Variants in ACP3 observed in about 807,000 individuals in gnomAD.
ACP3 encodes the protein prostatic acid phosphatase.
A neutral mutation model predicts 45.6 loss-of-function variants in ACP3; 38 were observed. That is an observed-to-expected ratio of 0.83 (90% CI 0.64 to 1.09). ACP3 has a LOEUF of 1.09. Ranked by LOEUF, ACP3 falls within the 50% of genes least tolerant of loss-of-function variation. The pLI is 0.00. For synonymous variants in ACP3, 162 were observed against 164.7 expected, an observed-to-expected ratio of 0.98 and a Z score of 0.13; for missense variants, 466 against 463.2, an observed-to-expected ratio of 1.01 and a Z score of -0.05.
intron 10 of ACP3, among the ~76,000 whole-genome samples, chr3:132,364,773 G>A (rs1938102430): frequency 6.6e-6 from 1 of 152,178 alleles, no homozygotes; most frequent in Non-Finnish European, 1.5e-5. Flanking sequence ...AAAGAAGGAA[G>A]GATAAAGAGC....
At chr3:132,345,088 TTGGATTTG>T in intron 7 of ACP3, 29 bp downstream of exon 7, 1 of 1,598,358 alleles carries the variant, frequency 6.3e-7, no homozygotes. Context: ...GAGGAGCATA[TTGGATTTG>T]TGGTTGAATG....
chr3:132,355,090 G>A (rs1019785251), intron 9 of ACP3, among the ~76,000 whole-genome samples: 6 of 152,200 alleles, frequency 3.9e-5, no homozygotes, highest in African/African-American at 9.7e-5. Context: ...GGCACCCAGG[G>A]TTCCCTCTTT....
At position 132,352,575 on chromosome 3, in the gene ACP3, A is replaced by G. The variant is rs146176137; in HGVS notation, c.865-145A>G. On this transcript the variant is annotated intron_variant, in intron 8 of 9. Transcript: ENST00000336375. ...CTAGCACACCGCTAATGCTCAACCA[A>G]AATCTTTCCTTCTCTACTTATTAAG... 483 of 621,510 alleles carry G rather than the reference A, an allele frequency of 7.8e-4. 4 individuals are homozygous for G. The African/African-American group carries it at 8.0e-3, about 10-fold the overall frequency. The allele number at this position is 621,510 out of a possible 1,614,324, so 38.5% of individuals were successfully genotyped here.
At chr3:132,362,016 T>C (rs1440572482), downstream of ACP3, among the ~76,000 whole-genome samples, 1 of 152,204 alleles carries the variant, frequency 6.6e-6, no homozygotes, top group Admixed American at 6.5e-5. Context: ...CTCTCTTCAA[T>C]CTCAATTTTC....
chr3:132,320,493 G>A (rs1937186629), intron 1 of ACP3, among the ~76,000 whole-genome samples: 1 of 152,038 alleles, frequency 6.6e-6, no homozygotes, highest in African/African-American at 2.4e-5. Context: ...CTAACCCAGA[G>A]AAAACCCACA....
intron 8 of ACP3, among the ~76,000 whole-genome samples, chr3:132,350,618 G>C (rs1298035570): frequency 6.6e-6 from 1 of 152,194 alleles, no homozygotes; most frequent in Non-Finnish European, 1.5e-5. Context: ...TACTGAATTG[G>C]AGAGCACAGA....
At chr3:132,346,076 C>T (rs1042434947) in intron 7 of ACP3, among the ~76,000 whole-genome samples, 1 of 152,172 alleles carries the variant, frequency 6.6e-6, no homozygotes, top group African/African-American at 2.4e-5. Flanking sequence ...CATTGACAGA[C>T]ACTATTCACC....
At chr3:132,317,629 T>G in intron 1 of ACP3, 53 bp downstream of exon 1, 3 of 1,570,376 alleles carry the variant, frequency 1.9e-6, no homozygotes, top group Non-Finnish European at 2.6e-6. Context: ...CCCAGCAAAG[T>G]CTGATAAGGC....
intron 8 of ACP3, among the ~76,000 whole-genome samples, chr3:132,351,024 G>A (rs1280906641): frequency 1.3e-5 from 2 of 152,146 alleles, no homozygotes; most frequent in Admixed American, 1.3e-4. Context: ...GGAAGTGGGT[G>A]GAAGACAATG....
intron 1 of ACP3, among the ~76,000 whole-genome samples, chr3:132,319,930 G>T (rs1208426301): frequency 6.6e-6 from 1 of 152,168 alleles, no homozygotes; most frequent in East Asian, 1.9e-4. Flanking sequence ...ATTCTGAAAA[G>T]CTGTTCTCAG....
chr3:132,343,076 A>G (rs1200750361), intron 6 of ACP3, among the ~76,000 whole-genome samples: 2 of 152,222 alleles, frequency 1.3e-5, no homozygotes, highest in Non-Finnish European at 2.9e-5. Flanking sequence ...CAGGCTATTT[A>G]TATTTGCTTA....
At chr3:132,345,115 C>T in intron 7 of ACP3, 56 bp downstream of exon 7, 1 of 1,488,756 alleles carries the variant, frequency 6.7e-7, no homozygotes. Flanking sequence ...TGATCCAGGT[C>T]TGAGTCATTC....
intron 5 of ACP3, among the ~76,000 whole-genome samples, chr3:132,340,988 T>C (rs1160275101): frequency 6.6e-6 from 1 of 152,186 alleles, no homozygotes; most frequent in Non-Finnish European, 1.5e-5. Context: ...CTGTCAAATC[T>C]TCCTAAGAAT....
At chr3:132,351,130 T>C (rs1384224672) in intron 8 of ACP3, among the ~76,000 whole-genome samples, 1 of 152,038 alleles carries the variant, frequency 6.6e-6, no homozygotes, top group Non-Finnish European at 1.5e-5. Flanking sequence ...GATTAGGCAA[T>C]GGGTTTGAAA....
At position 132,358,629 on chromosome 3, in the gene ACP3, A is replaced by T; in HGVS notation, c.*1751A>T. ...GAATGACTGACAAAGACATCGATTG[A>T]TATGCTTCTTTGTGTTATTTCCCTC... On this transcript the variant is annotated 3_prime_UTR_variant, in exon 10 of 10. Transcript: ENST00000336375. 2.9e-6 allele frequency: 3 copies of T among 1,046,838 alleles called. No individual in the cohort carries two copies. The highest frequency in any genetic ancestry group is 2.3e-6 in the Non-Finnish European group (2 of 860,194). The allele number at this position is 1,046,838 out of a possible 1,614,324, so 64.8% of individuals were successfully genotyped here.
At position 132,349,811 on chromosome 3, in the gene ACP3, C is replaced by G; in HGVS notation, c.782-109C>G. 3 of 714,420 alleles carry G rather than the reference C, an allele frequency of 4.2e-6. No homozygotes were observed. In the East Asian group the frequency reaches 7.8e-5, roughly 19 times the overall value. The allele number at this position is 714,420 out of a possible 1,614,324, so 44.3% of individuals were successfully genotyped here. ...ATAAAATTAGATCTTTGCCCCTCTTCTTAAGTCATGGCAGGGAGAGTCCGC... is the reference window on the plus strand; with the variant it reads ...ATAAAATTAGATCTTTGCCCCTCTTGTTAAGTCATGGCAGGGAGAGTCCGC... On this transcript the variant is annotated intron_variant, in intron 7 of 9. Coordinates refer to ENST00000336375, the MANE Select transcript of ACP3 (RefSeq NM_001099.5).
In ACP3 at chr3:132,334,911, A is replaced by G. The variant is rs138479482; in HGVS notation, c.457-2545A>G. 2.6e-3 allele frequency among the ~76,000 whole-genome samples: 399 copies of G among 152,274 alleles called. 2 individuals are homozygous for G. Among genetic ancestry groups the G allele is most frequent in the African/African-American group, 8.8e-3 (365 of 41,554 alleles). ...CGTAAACCTCAGTTTCCTTTCTGTA[A>G]CATGGGAAAATAGCACCCACCTAAC... On this transcript the variant is annotated intron_variant, in intron 4 of 9. Transcript: ENST00000336375.
At chr3:132,350,779 C>T (rs1040280506) in intron 8 of ACP3, among the ~76,000 whole-genome samples, 5 of 152,034 alleles carry the variant, frequency 3.3e-5, no homozygotes, top group Non-Finnish European at 5.9e-5. Context: ...GGGAGAACCC[C>T]CCTGTCAGTG....
At chr3:132,328,833 G>A (rs1937350856) in intron 2 of ACP3, among the ~76,000 whole-genome samples, 1 of 152,134 alleles carries the variant, frequency 6.6e-6, no homozygotes, top group Admixed American at 6.5e-5. Context: ...ATGCTGAAGA[G>A]AGCCAAGTGG....
Sources: allele counts gnomAD v4.1 joint callset (sites outside exome capture counted in the v4.1 genomes callset), GRCh38; gene constraint gnomAD v4.1.1; transcripts MANE v1.5; gene names NCBI Gene and HGNC (gene_info 2026-07-23, HGNC 2026-07-21).